FAM120B: variants seen among roughly 807,000 people sequenced by gnomAD.
FAM120B encodes the protein family with sequence similarity 120 member B, also known as constitutive coactivator of peroxisome proliferator-activated receptor gamma.
A neutral mutation model predicts 96.3 loss-of-function variants in FAM120B; 83 were observed. The observed-to-expected ratio is 0.86, with a 90% CI of 0.72 to 1.03. The LOEUF is 1.03. FAM120B is among the 50% of genes least tolerant of loss of function. The pLI is 0.00. For missense variants in FAM120B, 1,027 were observed against 1,121.2 expected, an observed-to-expected ratio of 0.92 and a Z score of 1.20; for synonymous variants, 407 against 402.7, an observed-to-expected ratio of 1.01 and a Z score of -0.13.
chr6:170,344,797 A>C (rs149732112), intron 4 of FAM120B, among the ~76,000 whole-genome samples: 2 of 152,162 alleles, frequency 1.3e-5, no homozygotes, highest in Non-Finnish European at 2.9e-5. Flanking sequence ...CCTGCATAGC[A>C]GACTTGATGC....
chr6:170,395,070 G>A (rs1246586769), intron 8 of FAM120B, among the ~76,000 whole-genome samples: 2 of 152,232 alleles, frequency 1.3e-5, no homozygotes, highest in African/African-American at 4.8e-5. Context: ...GTGTGTGTGA[G>A]TGAAGTTTGT....
rs560423630 is a variant in FAM120B at position 170,359,327 on chromosome 6, A to G, written c.2283+1009A>G. Reference sequence around the variant, plus strand: ...AGAATCGCTTGAAACTGGGAGGCAGAGGTTGATGTGAGCTGAGATCGTGCC... The same window carrying G: ...AGAATCGCTTGAAACTGGGAGGCAGGGGTTGATGTGAGCTGAGATCGTGCC... On this transcript the variant is annotated intron_variant, in intron 6 of 10. Coordinates refer to ENST00000476287, the MANE Select transcript of FAM120B (RefSeq NM_032448.3). 4.0e-5 allele frequency among the ~76,000 whole-genome samples: 6 copies of G among 151,716 alleles called. No individual in the cohort carries two copies. The South Asian group carries it at 1.3e-3, about 32-fold the overall frequency.
chr6:170,389,378 G>C (rs1296525860), intron 7 of FAM120B, among the ~76,000 whole-genome samples: 2 of 152,184 alleles, frequency 1.3e-5, no homozygotes, highest in East Asian at 3.8e-4. Context: ...TGGATTTTCA[G>C]ATTAGGAGTG....
chr6:170,395,413 A>T (rs1790676260), intron 8 of FAM120B, 74 bp from the exon 9 acceptor site: 1 of 1,222,010 alleles, frequency 8.2e-7, no homozygotes, highest in Admixed American at 2.0e-5. Context: ...CTGCCTTGCC[A>T]CCCTTTACAT....
At chr6:170,378,773 G>A (rs1583293744) in intron 6 of FAM120B, among the ~76,000 whole-genome samples, 1 of 152,294 alleles carries the variant, frequency 6.6e-6, no homozygotes, top group East Asian at 1.9e-4. Flanking sequence ...GGGCGGGGTG[G>A]GCTGCACCTG....
intron 4 of FAM120B, among the ~76,000 whole-genome samples, chr6:170,345,774 G>A (rs1330639050): frequency 3.3e-5 from 5 of 152,204 alleles, no homozygotes. Context: ...TGAACCTGTA[G>A]GGAGTGAGTA....
rs377118327 is a variant in FAM120B at position 170,363,985 on chromosome 6, A to C, written c.2283+5667A>C. Reference sequence around the variant, plus strand: ...TGACCTTCAGTGATGGGCCTGCATCAGCCTCCCACAGTGCTGGGATTACAG... The same window carrying C: ...TGACCTTCAGTGATGGGCCTGCATCCGCCTCCCACAGTGCTGGGATTACAG... On this transcript the variant is annotated intron_variant, in intron 6 of 10. Transcript: ENST00000476287. This position sits in a 1 kb window ranked among gnomAD's most constrained non-coding sequence, Gnocchi z 4.5. 3.2e-4 allele frequency among the ~76,000 whole-genome samples: 48 copies of C among 152,296 alleles called. No individual in the cohort carries two copies. In the East Asian group the frequency reaches 8.3e-3, roughly 26 times the overall value.
chr6:170,346,446 T>C (rs1236399076), intron 4 of FAM120B, among the ~76,000 whole-genome samples: 3 of 152,256 alleles, frequency 2.0e-5, no homozygotes, highest in South Asian at 2.1e-4. Context: ...TCAAAATCGT[T>C]AGTATATTTG....
upstream of FAM120B, among the ~76,000 whole-genome samples, chr6:170,303,149 C>G (rs1338582876): frequency 6.6e-6 from 1 of 152,120 alleles, no homozygotes; most frequent in African/African-American, 2.4e-5. Flanking sequence ...ATAGTAGTTG[C>G]CCACACCACA....
intron 9 of FAM120B, among the ~76,000 whole-genome samples, chr6:170,398,916 G>A (rs1778371956): frequency 6.6e-6 from 1 of 151,794 alleles, no homozygotes; most frequent in African/African-American, 2.4e-5. Context: ...GTAGAACTAT[G>A]TCATAACCCT....
rs1271214917 is a variant in FAM120B, at chr6:170,377,801, G to A, written c.2284-10486G>A. Among the ~76,000 whole-genome samples the A allele has an allele frequency of 3.7e-5, 5 of 136,066 alleles. 1 individual carries two copies. The highest frequency in any genetic ancestry group is 2.2e-4 in the East Asian group (1 of 4,448). 89.3% of individuals were successfully genotyped at this position (136,066 alleles called of 152,430 possible). A position where few individuals can be genotyped will look rare whatever the true frequency, so the allele number is the denominator to read the frequency against. On this transcript the variant is annotated intron_variant, in intron 6 of 10. Transcript: ENST00000476287. The stretch of plus-strand genomic sequence containing the variant: ...CGTCCCTAATCCCAGATGCCTGGGA[G>A]AACACAGGCTCACGCTGCTCGGTGC...
rs1292804757 is a variant in FAM120B, at chr6:170,333,097, G to C, written c.2017+2547G>C. 2.0e-5 allele frequency among the ~76,000 whole-genome samples: 3 copies of C among 152,132 alleles called. No individual in the cohort carries two copies. The East Asian group carries it at 5.8e-4, about 29-fold the overall frequency. On this transcript the variant is annotated intron_variant, in intron 4 of 10. Transcript: ENST00000476287. Reference sequence around the variant, plus strand: ...GGAAATAATCAAAATTAACGAGCCAGGGAGCAGAAAAAGAAATCTCATTCC... The same window carrying C: ...GGAAATAATCAAAATTAACGAGCCACGGAGCAGAAAAAGAAATCTCATTCC...
Position 170,357,242 on chromosome 6 carries a change from AG to A in FAM120B, c.2191-983del, listed in dbSNP as rs143122429. 8.8e-3 allele frequency among the ~76,000 whole-genome samples: 1,344 copies of A among 152,244 alleles called. 65 individuals are homozygous for A. The East Asian group carries it at 0.11, about 12-fold the overall frequency. On this transcript the variant is annotated intron_variant, in intron 5 of 10. Transcript: ENST00000476287. ...TAGGATGCTGTGGAGTCGTTCAGTCAGCGGGCACGTCCTGCCTTTATCTGGG... is the reference window on the plus strand; with the variant it reads ...TAGGATGCTGTGGAGTCGTTCAGTCACGGGCACGTCCTGCCTTTATCTGGG...
intron 1 of FAM120B, among the ~76,000 whole-genome samples, chr6:170,314,902 C>G (rs1252124460): frequency 6.6e-6 from 1 of 152,206 alleles, no homozygotes; most frequent in Admixed American, 6.5e-5. Flanking sequence ...TAATGTCACA[C>G]TCTAACTCAT....
intron 5 of FAM120B, among the ~76,000 whole-genome samples, chr6:170,357,420 A>G (rs1371472145): frequency 2.6e-5 from 4 of 151,986 alleles, no homozygotes; most frequent in Admixed American, 1.3e-4. Context: ...CATCTACTCC[A>G]CACCAAGCAG....
At chr6:170,361,525 T>A (rs947917752) in intron 6 of FAM120B, among the ~76,000 whole-genome samples, 3 of 152,108 alleles carry the variant, frequency 2.0e-5, no homozygotes, top group African/African-American at 7.2e-5. Context: ...GGCTGCTGTT[T>A]TCTGGATACC....
chr6:170,320,771 C>G (rs182309406), intron 2 of FAM120B, among the ~76,000 whole-genome samples: 14 of 152,178 alleles, frequency 9.2e-5, no homozygotes, highest in Non-Finnish European at 1.8e-4. Context: ...GGGATGGAGA[C>G]TTAAGGAACA....
Position 170,317,640 on chromosome 6 carries a change from A to G in FAM120B, c.250A>G (p.Lys84Glu). 6.2e-7 allele frequency: 1 copy of G among 1,614,198 alleles called. No homozygotes were observed. The highest frequency in any genetic ancestry group is 8.5e-7 in the Non-Finnish European group (1 of 1,180,048). Residue 84 changes from lysine to glutamate, a missense_variant, in exon 2 of 11, where the codon AAG (lysine) becomes GAG (glutamate). By Grantham distance (56) the Lys-to-Glu change is moderately conservative. Coordinates refer to ENST00000476287, the MANE Select transcript of FAM120B (RefSeq NM_032448.3). ...FVKTFTAAGI[K>E]LIFFFDGMVE... ...TAAAACTTTTACGGCAGCTGGGATC[A>G]AGTTGATATTCTTCTTTGATGGCAT...
chr6:170,352,921 C>A (rs994687029), intron 5 of FAM120B, among the ~76,000 whole-genome samples: 2 of 151,556 alleles, frequency 1.3e-5, no homozygotes, highest in Admixed American at 6.6e-5. Flanking sequence ...ACACAAAAAA[C>A]CTTTTAAAAA....
Sources: allele counts gnomAD v4.1 joint callset (sites outside exome capture counted in the v4.1 genomes callset), GRCh38; gene constraint gnomAD v4.1.1; non-coding constraint Gnocchi (gnomAD v3.1); transcripts MANE v1.5; gene names NCBI Gene and HGNC (gene_info 2026-07-23, HGNC 2026-07-21).